Variants in CNTN2 observed in about 807,000 individuals in gnomAD.
CNTN2 encodes contactin 2, also known as contactin-2.
CNTN2 carries 53 observed loss-of-function variants against 117.5 expected under a neutral mutation model. The observed-to-expected ratio is 0.45, with a 90% CI of 0.36 to 0.57. The LOEUF (loss-of-function observed/expected upper bound fraction) is 0.57, where lower values mean the gene tolerates loss of function less well. CNTN2 is among the 20% of genes least tolerant of loss of function. The pLI, the probability that CNTN2 is intolerant of heterozygous loss-of-function variation, is 0.00. For missense variants in CNTN2, 1,106 were observed against 1,404.3 expected, an observed-to-expected ratio of 0.79 and a Z score of 3.39; for synonymous variants, 530 against 561.7, an observed-to-expected ratio of 0.94 and a Z score of 0.80.
At position 205,066,684 on chromosome 1, in the gene CNTN2, G is replaced by A. The variant is rs1654310348; in HGVS notation, c.1975+85G>A. 3 of 1,493,728 alleles carry A rather than the reference G, an allele frequency of 2.0e-6. No homozygotes were observed. In the Admixed American group the frequency reaches 5.8e-5, roughly 29 times the overall value. 92.5% of individuals were successfully genotyped at this position (1,493,728 alleles called of 1,614,324 possible). A position where few individuals can be genotyped will look rare whatever the true frequency, so the allele number is the denominator to read the frequency against. ...AAAGGGTCAAGGTTTGGGGATCGGG[G>A]TCTGAGGGCCAGGGCTGAGCCTGGA... On this transcript the variant is annotated intron_variant, in intron 15 of 22. Coordinates refer to ENST00000331830, the MANE Select transcript of CNTN2 (RefSeq NM_005076.5).
intron 1 of CNTN2, among the ~76,000 whole-genome samples, chr1:205,049,798 C>A (rs2096449136): frequency 6.6e-6 from 1 of 152,206 alleles, no homozygotes; most frequent in South Asian, 2.1e-4. Flanking sequence ...CTTTTTGGAG[C>A]CATGGAGCCC....
chr1:205,058,199 CG>C lies in CNTN2; in HGVS notation c.235del (p.Glu79ArgfsTer2). On this transcript the variant is annotated frameshift_variant, in exon 4 of 23. Transcript: ENST00000331830. LOFTEE classifies it high-confidence loss of function. The surrounding 1 kb of genome is among the most constrained non-coding windows in gnomAD (Gnocchi z 4.3). ...ATYRWKMNGTEMKLEPGSRHQ... is the reference protein window; with the variant it reads ...ATYRWKMNGTXMKLEPGSRHQ... ...GCTGCAGGTGGAAGATGAATGGTAC[CG>C]AGATGAAGCTGGAGCCAGGTTCCCG... 1 of 1,584,522 alleles carries C rather than the reference CG, an allele frequency of 6.3e-7. No homozygotes were observed. The highest frequency in any genetic ancestry group is 8.6e-7 in the Non-Finnish European group (1 of 1,165,550).
At chr1:205,062,634 A>AGTTTAGGT in intron 10 of CNTN2, 65 bp downstream of exon 10, 2 of 1,549,602 alleles carry the variant, frequency 1.3e-6, no homozygotes, top group Admixed American at 3.8e-5. Context: ...CAGAGCTCTG[A>AGTTTAGGT]GTTTAGGTGT....
In CNTN2 at chr1:205,058,124, A is replaced by G. The variant is rs1653756901; in HGVS notation, c.216-57A>G. ...GGGCAGCCGTTGAACTTTCCCTCTC[A>G]TCAGCCCTGCCACCAGGCAGGACTC... On this transcript the variant is annotated intron_variant, in intron 3 of 22. Coordinates refer to ENST00000331830, the MANE Select transcript of CNTN2 (RefSeq NM_005076.5). The surrounding 1 kb of genome is among the most constrained non-coding windows in gnomAD (Gnocchi z 4.3). The G allele has an allele frequency of 6.2e-7, 1 of 1,601,154 alleles. No homozygotes were observed. The highest frequency in any genetic ancestry group is 1.1e-5 in the South Asian group (1 of 89,394).
intron 17 of CNTN2, 83 bp downstream of exon 17, chr1:205,069,644 G>A (rs1228818120): frequency 6.7e-7 from 1 of 1,494,484 alleles, no homozygotes; most frequent in African/African-American, 1.4e-5. Context: ...CCACTGCACA[G>A]CTCTGACTCA....
Position 205,062,567 on chromosome 1 carries a change from A to G in CNTN2, c.1238A>G (p.Gln413Arg), listed in dbSNP as rs558496903. Residue 413 changes from glutamine to arginine, a missense_variant and splice_region_variant, in exon 10 of 23, where the codon CAA becomes CGA. Physicochemically the swap from Gln to Arg is conservative, Grantham distance 43 (BLOSUM62 1). Coordinates refer to ENST00000331830, the MANE Select transcript of CNTN2 (RefSeq NM_005076.5). ...TIYASAELAV[Q>R]ALAPDFRLNP... ...TACGCCAGCGCCGAGCTAGCCGTGC[A>G]AGGTAAGGGGCCCAGGGAGGCAGGG... 4.3e-6 allele frequency: 7 copies of G among 1,612,510 alleles called. No individual in the cohort carries two copies. Among genetic ancestry groups the G allele is most frequent in the Non-Finnish European group, 5.9e-6 (7 of 1,179,224 alleles).
Position 205,057,984 on chromosome 1 carries a change from G to A in CNTN2, c.134G>A (p.Ser45Asn), listed in dbSNP as rs779928603. 35 of 1,614,056 alleles carry A rather than the reference G, an allele frequency of 2.2e-5. No individual in the cohort carries two copies. The highest frequency in any genetic ancestry group is 2.6e-5 in the Non-Finnish European group (31 of 1,180,044). The change falls in exon 3 of 23, where the codon AGT becomes AAT. Residue 45 changes from serine (S) to asparagine (N), a missense_variant. Physicochemically the swap from Ser to Asn is conservative, Grantham distance 46. Transcript: ENST00000331830. Reference protein sequence around the residue: ...FGPVFEDQPLSVLFPEESTEE... With the variant: ...FGPVFEDQPLNVLFPEESTEE... Reference sequence around the variant, plus strand: ...CCTGTCTTTGAAGACCAGCCCCTCAGTGTGCTATTCCCAGAGGAGTCCACG... The same window carrying A: ...CCTGTCTTTGAAGACCAGCCCCTCAATGTGCTATTCCCAGAGGAGTCCACG...
At chr1:205,066,893 G>A (rs998578960) in intron 15 of CNTN2, among the ~76,000 whole-genome samples, 21 of 143,340 alleles carry the variant, frequency 1.5e-4, no homozygotes, top group Middle Eastern at 3.7e-3. Context: ...ACATAGGGGC[G>A]TAGGCGTGCA....
In CNTN2 at chr1:205,048,327, T is replaced by C. The variant is rs2096445369; in HGVS notation, c.-86-4773T>C. 6.6e-6 allele frequency among the ~76,000 whole-genome samples: 1 copy of C among 151,004 alleles called. No homozygotes were observed. The highest frequency in any genetic ancestry group is 1.5e-5 in the Non-Finnish European group (1 of 68,006). On this transcript the variant is annotated intron_variant, in intron 1 of 22. Coordinates refer to ENST00000331830, the MANE Select transcript of CNTN2 (RefSeq NM_005076.5). This position sits in a 1 kb window ranked among gnomAD's most constrained non-coding sequence, Gnocchi z 4.1. ...GGGGGCCTTATCCCAGAAAACCTTG[T>C]CGTGTGTTGGAGCCCCACTCATAGC...
intron 2 of CNTN2, among the ~76,000 whole-genome samples, chr1:205,055,444 G>A (rs1342542259): frequency 6.6e-6 from 1 of 152,186 alleles, no homozygotes; most frequent in Non-Finnish European, 1.5e-5. Flanking sequence ...TGAGTGAGGT[G>A]CCTGCATGGA....
At chr1:205,050,626 A>G (rs1574631211) in intron 1 of CNTN2, among the ~76,000 whole-genome samples, 1 of 151,354 alleles carries the variant, frequency 6.6e-6, no homozygotes, top group Non-Finnish European at 1.5e-5. Context: ...TTCTGAGTAC[A>G]TTTTTTTTTG....
intron 16 of CNTN2, chr1:205,069,034 TTTGTTTG>T (rs1654449395): frequency 8.8e-6 from 1 of 113,942 alleles, no homozygotes; most frequent in Non-Finnish European, 2.0e-5. Flanking sequence ...TGTTTGTTTG[TTTGTTTG>T]TTTGCATTAA....
At position 205,069,751 on chromosome 1, in the gene CNTN2, A is replaced by G. The variant is rs572812731; in HGVS notation, c.2197-76A>G. 8.5e-6 allele frequency: 13 copies of G among 1,529,540 alleles called. No individual in the cohort carries two copies. In the Admixed American group the frequency reaches 1.2e-4, roughly 14 times the overall value. 94.7% of individuals were successfully genotyped at this position (1,529,540 alleles called of 1,614,324 possible). A position where few individuals can be genotyped will look rare whatever the true frequency, so the allele number is the denominator to read the frequency against. On this transcript the variant is annotated intron_variant, in intron 17 of 22. Transcript: ENST00000331830. ...GCGTCCAGGGCCGCTACTCTTGGCAAAGGTTGGGTGGGGCCAGGGAACGGG... is the reference window on the plus strand; with the variant it reads ...GCGTCCAGGGCCGCTACTCTTGGCAGAGGTTGGGTGGGGCCAGGGAACGGG...
Position 205,061,091 on chromosome 1 carries a change from G to T in CNTN2, c.798-154G>T, listed in dbSNP as rs924709556. ...TGCTCCGAGCCTACCTGGGAGAGGAGAGTGAGGATCAGCCAGAAGGCACCC... is the reference window on the plus strand; with the variant it reads ...TGCTCCGAGCCTACCTGGGAGAGGATAGTGAGGATCAGCCAGAAGGCACCC... On this transcript the variant is annotated intron_variant, in intron 7 of 22. Coordinates refer to ENST00000331830, the MANE Select transcript of CNTN2 (RefSeq NM_005076.5). The surrounding 1 kb of genome is among the most constrained non-coding windows in gnomAD (Gnocchi z 4.8). 124 of 786,064 alleles carry T rather than the reference G, an allele frequency of 1.6e-4. No individual in the cohort carries two copies. Among genetic ancestry groups the T allele is most frequent in the Non-Finnish European group, 2.1e-4 (106 of 509,428 alleles). The allele number at this position is 786,064 out of a possible 1,614,324, so 48.7% of individuals were successfully genotyped here. A position where few individuals can be genotyped will look rare whatever the true frequency, so the allele number is the denominator to read the frequency against.
At position 205,062,570 on chromosome 1, in the gene CNTN2, GT is replaced by G; in HGVS notation, c.1240+2del. On this transcript the variant is annotated splice_donor_variant, in intron 10 of 22. Transcript: ENST00000331830. LOFTEE classifies it high-confidence loss of function. ...GCCAGCGCCGAGCTAGCCGTGCAAG[GT>G]AAGGGGCCCAGGGAGGCAGGGGACA... 1.2e-6 allele frequency: 2 copies of G among 1,612,120 alleles called. No homozygotes were observed. The highest frequency in any genetic ancestry group is 8.5e-7 in the Non-Finnish European group (1 of 1,178,958).
chr1:205,072,097 G>C lies in CNTN2; in HGVS notation c.2695G>C (p.Ala899Pro), dbSNP rs779553233. The change falls in exon 20 of 23, where the codon GCC (alanine) becomes CCC (proline). Residue 899 changes from alanine (A) to proline (P), a missense_variant. Transcript: ENST00000331830. ...RAYNRAGTGP[A>P]SPSANATTMK... Reference sequence around the variant, plus strand: ...CTACAACCGGGCTGGCACTGGGCCTGCCAGCCCTTCTGCCAACGCCACGAC... The same window carrying C: ...CTACAACCGGGCTGGCACTGGGCCTCCCAGCCCTTCTGCCAACGCCACGAC... 1.2e-6 allele frequency: 2 copies of C among 1,613,162 alleles called. No homozygotes were observed. The highest frequency in any genetic ancestry group is 2.7e-5 in the African/African-American group (2 of 75,018).
upstream of CNTN2, chr1:205,043,071 G>T (rs570753217): frequency 3.9e-5 from 6 of 152,162 alleles, no homozygotes; most frequent in South Asian, 1.2e-3. Flanking sequence ...GGACGGAAGT[G>T]GGGTGGGAGG....
Position 205,061,945 on chromosome 1 carries a change from G to A in CNTN2, c.1054G>A (p.Gly352Ser), listed in dbSNP as rs745584774. 6 of 1,610,344 alleles carry A rather than the reference G, an allele frequency of 3.7e-6. No homozygotes were observed. The highest frequency in any genetic ancestry group is 1.1e-5 in the South Asian group (1 of 90,634). ...CCTGCGTTGGGGCTGTGCAGCCGCC[G>A]GCAAGCCCCGGCCTACAGTGCGCTG... Reference protein sequence around the residue: ...SNLRWGCAAAGKPRPTVRWLR... With the variant: ...SNLRWGCAAASKPRPTVRWLR... The change falls in exon 9 of 23, where the codon GGC becomes AGC. Residue 352 changes from glycine to serine, a missense_variant. Physicochemically the swap from Gly to Ser is moderately conservative, Grantham distance 56. Transcript: ENST00000331830. The surrounding 1 kb of genome is among the most constrained non-coding windows in gnomAD (Gnocchi z 4.8).
In CNTN2 at chr1:205,076,191, G is replaced by A. The variant is rs1404387000; in HGVS notation, c.*2426G>A. ...TTAGCCAGGGAAAACTGAGCCCCAG[G>A]AAAACCTAACCACTGGGCAGGCAGA... On this transcript the variant is annotated 3_prime_UTR_variant, in exon 23 of 23. Coordinates refer to ENST00000331830, the MANE Select transcript of CNTN2 (RefSeq NM_005076.5). 6.6e-6 allele frequency: 1 copy of A among 152,204 alleles called. No individual in the cohort carries two copies. The highest frequency in any genetic ancestry group is 1.5e-5 in the Non-Finnish European group (1 of 68,040). 9.4% of individuals were successfully genotyped at this position (152,204 alleles called of 1,614,324 possible). A position where few individuals can be genotyped will look rare whatever the true frequency, so the allele number is the denominator to read the frequency against.
Sources: gnomAD v4.1 joint callset for allele counts (sites outside exome capture counted in the v4.1 genomes callset) on GRCh38, gnomAD v4.1.1 for gene constraint, Gnocchi (gnomAD v3.1) non-coding constraint, MANE v1.5 for transcripts, NCBI Gene and HGNC (gene_info 2026-07-23, HGNC 2026-07-21) for gene names.